Variants in C10orf71 observed in about 807,000 individuals in gnomAD.
The protein encoded by C10orf71 is cardiac-enriched FHL2-interacting protein.
For missense variants in C10orf71, 1,869 were observed against 1,804.5 expected, an observed-to-expected ratio of 1.04 and a Z score of -0.65; for synonymous variants, 758 against 726.3, an observed-to-expected ratio of 1.04 and a Z score of -0.70.
intron 1 of C10orf71, among the ~76,000 whole-genome samples, chr10:49,302,000 C>G (rs1006362540): frequency 6.6e-6 from 1 of 152,160 alleles, no homozygotes; most frequent in Non-Finnish European, 1.5e-5. Context: ...TAACCCCCTT[C>G]CCAGGTGGGC....
chr10:49,324,190 G>A lies in C10orf71; in HGVS notation c.1645G>A (p.Glu549Lys), dbSNP rs755054038. Residue 549 changes from glutamate to lysine, a missense_variant, in exon 3 of 3, where the codon GAG becomes AAG. Glu to Lys is a moderately conservative substitution (Grantham distance 56). Transcript: ENST00000374144. ...CGGTGTCATCCTCCCCAATGGGCTTGAGGAAAGCCCTCCAAATGAGCTTTC... is the reference window on the plus strand; with the variant it reads ...CGGTGTCATCCTCCCCAATGGGCTTAAGGAAAGCCCTCCAAATGAGCTTTC... The part of the protein sequence containing the change: ...SNGVILPNGL[E>K]ESPPNELSKE... 1 of 1,613,852 alleles carries A rather than the reference G, an allele frequency of 6.2e-7. No homozygotes were observed. Among genetic ancestry groups the A allele is most frequent in the East Asian group, 2.2e-5 (1 of 44,892 alleles).
At position 49,327,129 on chromosome 10, in the gene C10orf71, C is replaced by A; in HGVS notation, c.*276C>A. On this transcript the variant is annotated 3_prime_UTR_variant, in exon 3 of 3. Coordinates refer to ENST00000374144, the MANE Select transcript of C10orf71 (RefSeq NM_001135196.2). ...AGTTCCCAGGCGCACTCTACTCCAG[C>A]CCTTCTCCCTCCCTCCCTTCCTCCC... 2 of 1,119,636 alleles carry A rather than the reference C, an allele frequency of 1.8e-6. No individual in the cohort carries two copies. Among genetic ancestry groups the A allele is most frequent in the Non-Finnish European group, 1.2e-6 (1 of 823,296 alleles). The allele number at this position is 1,119,636 out of a possible 1,614,324, so 69.4% of individuals were successfully genotyped here. A position where few individuals can be genotyped will look rare whatever the true frequency, so the allele number is the denominator to read the frequency against.
Position 49,325,107 on chromosome 10 carries a change from G to A in C10orf71, c.2562G>A (p.Leu854=). The A allele has an allele frequency of 6.4e-7, 1 of 1,552,004 alleles. No individual in the cohort carries two copies. Among genetic ancestry groups the A allele is most frequent in the Non-Finnish European group, 8.7e-7 (1 of 1,147,066 alleles). ...CTTCTGCTTCAAACAGGCACATGCT[G>A]TTTACGATTAAAGACAACACCCTCA... ...SPSSASNRHM[L]FTIKDNTLRA... Residue 854 remains leucine, a synonymous_variant, in exon 3 of 3, where the codon CTG becomes CTA. Transcript: ENST00000374144.
In C10orf71 at chr10:49,325,914, T is replaced by A; in HGVS notation, c.3369T>A (p.Ser1123=). The A allele has an allele frequency of 6.4e-7, 1 of 1,550,876 alleles. No homozygotes were observed. The part of the protein sequence containing the change: ...LTHALVWEGG[S]DPLLELSAED... Reference sequence around the variant, plus strand: ...ACGCCCTCGTGTGGGAGGGCGGCTCTGACCCCCTACTTGAGCTGTCGGCAG... The same window carrying A: ...ACGCCCTCGTGTGGGAGGGCGGCTCAGACCCCCTACTTGAGCTGTCGGCAG... The change falls in exon 3 of 3, where the codon TCT becomes TCA. Residue 1123 remains serine, a synonymous_variant. Transcript: ENST00000374144.
chr10:49,325,457 A>G lies in C10orf71; in HGVS notation c.2912A>G (p.Lys971Arg). ...MPLVGEGDRVKAPPDAAPGLV... is the reference protein window; with the variant it reads ...MPLVGEGDRVRAPPDAAPGLV... ...CTGGTGGGAGAGGGGGACCGGGTGA[A>G]GGCACCACCAGATGCTGCACCTGGC... Residue 971 changes from lysine (K) to arginine (R), a missense_variant, in exon 3 of 3, where the codon AAG (lysine) becomes AGG (arginine). Lys to Arg is a conservative substitution (Grantham distance 26). Transcript: ENST00000374144. 6.5e-7 allele frequency: 1 copy of G among 1,550,254 alleles called. No homozygotes were observed. The highest frequency in any genetic ancestry group is 8.7e-7 in the Non-Finnish European group (1 of 1,145,928).
chr10:49,313,727 G>A (rs776316589), intron 1 of C10orf71, among the ~76,000 whole-genome samples: 11 of 152,190 alleles, frequency 7.2e-5, no homozygotes, highest in South Asian at 2.1e-4. Flanking sequence ...CGAAGGTGAC[G>A]TCAGGTTTCT....
chr10:49,310,422 T>C (rs541780221), intron 1 of C10orf71, among the ~76,000 whole-genome samples: 1 of 152,208 alleles, frequency 6.6e-6, no homozygotes, highest in East Asian at 1.9e-4. Flanking sequence ...AGGCCAGAGG[T>C]TCAGGGTTTC....
chr10:49,301,992 A>T (rs901599726), intron 1 of C10orf71, among the ~76,000 whole-genome samples: 1 of 151,674 alleles, frequency 6.6e-6, no homozygotes, highest in African/African-American at 2.4e-5. Context: ...TTCACTACTA[A>T]CCCCCTTCCC....
In C10orf71 at chr10:49,318,679, T is replaced by C. The variant is rs200157767; in HGVS notation, c.-145+2432T>C. On this transcript the variant is annotated intron_variant, in intron 2 of 2. Transcript: ENST00000374144. ...CAACAGACCCCAATGAAGCCTGGCCTCCAGGATTAAAGACAAACATTACTG... is the reference window on the plus strand; with the variant it reads ...CAACAGACCCCAATGAAGCCTGGCCCCCAGGATTAAAGACAAACATTACTG... Among the ~76,000 whole-genome samples the C allele has an allele frequency of 3.3e-5, 5 of 152,316 alleles. No homozygotes were observed. In the East Asian group the frequency reaches 9.6e-4, roughly 29 times the overall value.
rs367922207 is a variant in C10orf71 at position 49,323,564 on chromosome 10, C to G, written c.1019C>G (p.Ala340Gly). ...AGTCAGGAAGAGAACAGACTTGCAG[C>G]AGGGGCTCTGTCCACATCTATACCC... ...SCSQEENRLA[A>G]GALSTSIPWG... Residue 340 changes from alanine (A) to glycine (G), a missense_variant, in exon 3 of 3, where the codon GCA becomes GGA. Coordinates refer to ENST00000374144, the MANE Select transcript of C10orf71 (RefSeq NM_001135196.2). The G allele has an allele frequency of 1.0e-4, 168 of 1,605,278 alleles. No individual in the cohort carries two copies. The African/African-American group carries it at 1.9e-3, about 18-fold the overall frequency.
chr10:49,307,516 C>T (rs1302444330), intron 1 of C10orf71, among the ~76,000 whole-genome samples: 4 of 152,234 alleles, frequency 2.6e-5, no homozygotes, highest in Non-Finnish European at 4.4e-5. Flanking sequence ...GTGCTGCTGA[C>T]AGCTCGCAGG....
intron 1 of C10orf71, among the ~76,000 whole-genome samples, chr10:49,306,231 G>A (rs752736582): frequency 7.9e-5 from 12 of 152,330 alleles, no homozygotes; most frequent in Admixed American, 1.3e-4. Context: ...CTCCAGCATC[G>A]AGAGACTCTC....
upstream of C10orf71, among the ~76,000 whole-genome samples, chr10:49,297,705 A>G (rs1848660327): frequency 1.3e-5 from 2 of 152,232 alleles, no homozygotes; most frequent in Non-Finnish European, 2.9e-5. Context: ...GTGACATGTC[A>G]ACTGACCAGG....
intron 2 of C10orf71, among the ~76,000 whole-genome samples, chr10:49,319,729 T>C (rs11101092): frequency 0.12 from 14,076 of 119,730 alleles, 1,399 homozygotes; most frequent in South Asian, 0.2. Context: ...TATATATATA[T>C]ATATACACAT....
upstream of C10orf71, among the ~76,000 whole-genome samples, chr10:49,297,419 A>G (rs2132387868): frequency 6.6e-6 from 1 of 152,336 alleles, no homozygotes; most frequent in Admixed American, 6.5e-5. Context: ...TCTATTAAGT[A>G]TTGTTGTTTT....
In C10orf71 at chr10:49,323,708, A is replaced by G; in HGVS notation, c.1163A>G (p.Lys388Arg). The change falls in exon 3 of 3, where the codon AAA becomes AGA. Residue 388 changes from lysine to arginine, a missense_variant. Lys to Arg is a conservative substitution (Grantham distance 26). Transcript: ENST00000374144. ...QPPWRKPKTG[K>R]KGKESLQDTL... ...CCATGGAGGAAGCCAAAGACTGGCAAAAAAGGGAAAGAAAGTCTACAAGAT... is the reference window on the plus strand; with the variant it reads ...CCATGGAGGAAGCCAAAGACTGGCAGAAAAGGGAAAGAAAGTCTACAAGAT... 1 of 1,614,024 alleles carries G rather than the reference A, an allele frequency of 6.2e-7. No homozygotes were observed. Among genetic ancestry groups the G allele is most frequent in the South Asian group, 1.1e-5 (1 of 91,084 alleles).
At chr10:49,302,174 C>T (rs1325546009) in intron 1 of C10orf71, among the ~76,000 whole-genome samples, 1 of 152,232 alleles carries the variant, frequency 6.6e-6, no homozygotes, top group African/African-American at 2.4e-5. Context: ...TCTCTCCCTA[C>T]TCCCCACTGT....
intron 1 of C10orf71, among the ~76,000 whole-genome samples, chr10:49,307,645 G>A (rs574099342): frequency 3.3e-5 from 5 of 152,330 alleles, no homozygotes; most frequent in African/African-American, 9.6e-5. Context: ...AGCACACCTC[G>A]TCCCAACTCT....
At chr10:49,300,949 T>A (rs569654582) in intron 1 of C10orf71, among the ~76,000 whole-genome samples, 5 of 152,276 alleles carry the variant, frequency 3.3e-5, no homozygotes, top group African/African-American at 1.2e-4. Context: ...AGGCCAGAGA[T>A]GGCCTTGCAT....
Sources: gnomAD v4.1 joint callset for allele counts (sites outside exome capture counted in the v4.1 genomes callset) on GRCh38, gnomAD v4.1.1 for gene constraint, MANE v1.5 for transcripts, NCBI Gene and HGNC (gene_info 2026-07-23, HGNC 2026-07-21) for gene names.